Variants in L3MBTL4 observed in about 807,000 individuals in gnomAD.
L3MBTL4 encodes lethal(3)malignant brain tumor-like protein 4.
Under a neutral mutation model 84.5 loss-of-function variants are expected in L3MBTL4, and 70 were observed. That is an observed-to-expected ratio of 0.83 (90% CI 0.68 to 1.01). The LOEUF is 1.01. L3MBTL4 is among the 50% of genes least tolerant of loss of function. The pLI is 0.00. For missense variants in L3MBTL4, 715 were observed against 754.8 expected, an observed-to-expected ratio of 0.95 and a Z score of 0.62; for synonymous variants, 274 against 259.8, an observed-to-expected ratio of 1.05 and a Z score of -0.52.
chr18:6,122,272 A>G (rs945491263), intron 14 of L3MBTL4, among the ~76,000 whole-genome samples: 2 of 152,162 alleles, frequency 1.3e-5, no homozygotes, highest in African/African-American at 4.8e-5. Context: ...CAACATTCAA[A>G]CTTTGAATCA....
intron 16 of L3MBTL4, among the ~76,000 whole-genome samples, chr18:6,006,288 G>GT (rs1424820049): frequency 6.6e-6 from 1 of 152,160 alleles, no homozygotes; most frequent in Non-Finnish European, 1.5e-5. Flanking sequence ...AAGAACATGA[G>GT]TTCCGACAAT....
At chr18:6,116,309 A>AT (rs2059357356) in intron 14 of L3MBTL4, among the ~76,000 whole-genome samples, 1 of 150,590 alleles carries the variant, frequency 6.6e-6, no homozygotes, top group South Asian at 2.1e-4. Context: ...AGGACAGGCC[A>AT]TCCCTCTGTC....
At chr18:6,301,678 A>C (rs1453662990) in intron 4 of L3MBTL4, among the ~76,000 whole-genome samples, 4 of 152,268 alleles carry the variant, frequency 2.6e-5, no homozygotes, top group Non-Finnish European at 4.4e-5. Context: ...TTAAAAGGCA[A>C]ATAAATGAGA....
intron 16 of L3MBTL4, among the ~76,000 whole-genome samples, chr18:6,016,220 G>A (rs890040927): frequency 1.4e-4 from 21 of 152,180 alleles, no homozygotes; most frequent in African/African-American, 4.6e-4. Context: ...TTCCGGGGGA[G>A]CAGCAGGGGC....
intron 1 of L3MBTL4, among the ~76,000 whole-genome samples, chr18:6,337,552 C>A (rs1032775586): frequency 6.6e-6 from 1 of 151,884 alleles, no homozygotes; most frequent in African/African-American, 2.4e-5. Flanking sequence ...ACAGGCAAAA[C>A]TAACCTAAAG....
chr18:6,255,155 C>A (rs1211228649), intron 5 of L3MBTL4, among the ~76,000 whole-genome samples: 1 of 152,204 alleles, frequency 6.6e-6, no homozygotes, highest in Non-Finnish European at 1.5e-5. Context: ...ACTTCTAATA[C>A]ATATTTCCTT....
intron 1 of L3MBTL4, among the ~76,000 whole-genome samples, chr18:6,338,124 A>T (rs558899468): frequency 6.6e-6 from 1 of 152,222 alleles, no homozygotes; most frequent in Admixed American, 6.5e-5. Flanking sequence ...AAAAACTTTA[A>T]CAATCCACTG....
intron 16 of L3MBTL4, chr18:6,046,853 C>T (rs2056644684): frequency 4.4e-6 from 3 of 681,434 alleles, no homozygotes; most frequent in Non-Finnish European, 8.0e-6. Context: ...ACTAGAAAAA[C>T]AAGTATAAAC....
At chr18:6,247,169 TAAG>T in intron 5 of L3MBTL4, among the ~76,000 whole-genome samples, 1 of 152,332 alleles carries the variant, frequency 6.6e-6, no homozygotes, top group East Asian at 1.9e-4. Flanking sequence ...GTATTTTCCC[TAAG>T]AATAGAACAT....
chr18:6,052,182 C>T (rs2056865388), intron 16 of L3MBTL4, among the ~76,000 whole-genome samples: 1 of 152,176 alleles, frequency 6.6e-6, no homozygotes, highest in East Asian at 1.9e-4. Flanking sequence ...AAGTCGACTT[C>T]ATAAGCATTT....
At chr18:6,193,130 G>A (rs2045203205) in intron 12 of L3MBTL4, among the ~76,000 whole-genome samples, 1 of 151,936 alleles carries the variant, frequency 6.6e-6, no homozygotes, top group Non-Finnish European at 1.5e-5. Context: ...CACAACAGGG[G>A]TCAGTGGCTG....
At chr18:5,956,734 A>G (rs1334865859) in intron 18 of L3MBTL4, among the ~76,000 whole-genome samples, 1 of 152,172 alleles carries the variant, frequency 6.6e-6, no homozygotes, top group Non-Finnish European at 1.5e-5. Flanking sequence ...ATCTCCAGGA[A>G]TTTTTCCCAA....
At chr18:6,225,881 C>T (rs931638616) in intron 10 of L3MBTL4, among the ~76,000 whole-genome samples, 1 of 151,246 alleles carries the variant, frequency 6.6e-6, no homozygotes, top group Non-Finnish European at 1.5e-5. Context: ...ATATACCCAG[C>T]AAAAATGTCT....
At chr18:6,194,688 C>G (rs1356228907) in intron 12 of L3MBTL4, among the ~76,000 whole-genome samples, 1 of 152,172 alleles carries the variant, frequency 6.6e-6, no homozygotes, top group Admixed American at 6.5e-5. Flanking sequence ...GCCAAAGGAT[C>G]AGAAGAGAAG....
intron 16 of L3MBTL4, among the ~76,000 whole-genome samples, chr18:6,076,116 T>A (rs1031810063): frequency 1.3e-5 from 2 of 152,160 alleles, no homozygotes; most frequent in Non-Finnish European, 2.9e-5. Flanking sequence ...GCAAACCCAA[T>A]TGCCCAGAAA....
chr18:6,358,696 C>T (rs1189096531), intron 1 of L3MBTL4, among the ~76,000 whole-genome samples: 2 of 152,208 alleles, frequency 1.3e-5, no homozygotes, highest in African/African-American at 4.8e-5. Flanking sequence ...AAGTCTGTGT[C>T]ATCTAAGTTT....
chr18:6,204,507 G>GA (rs1463491156), intron 12 of L3MBTL4, among the ~76,000 whole-genome samples: 5 of 151,780 alleles, frequency 3.3e-5, no homozygotes, highest in Admixed American at 1.3e-4. Flanking sequence ...AGTTTTAAAA[G>GA]AAAAAAACAT....
chr18:6,302,034 G>T, intron 3 of L3MBTL4, 77 bp from the exon 4 acceptor site: 3 of 1,194,886 alleles, frequency 2.5e-6, no homozygotes, highest in Non-Finnish European at 3.8e-6. Flanking sequence ...GTTCCTTTTT[G>T]CAGGAAGGAA....
At position 6,220,587 on chromosome 18, in the gene L3MBTL4, T is replaced by C. The variant is rs529387352; in HGVS notation, c.785-4752A>G. ...GCCTTATTCTTCTCCACAGCACTTATTGACACCTAACACAGTGTGTGTTGT... is the reference window on the plus strand; with the variant it reads ...GCCTTATTCTTCTCCACAGCACTTACTGACACCTAACACAGTGTGTGTTGT... On this transcript the variant is annotated intron_variant, in intron 10 of 18. Coordinates refer to ENST00000317931, the MANE Select transcript of L3MBTL4 (RefSeq NM_001330559.2). Among the ~76,000 whole-genome samples the C allele has an allele frequency of 1.1e-4, 16 of 152,318 alleles. No homozygotes were observed. The South Asian group carries it at 1.5e-3, about 14-fold the overall frequency.
Sources: allele counts gnomAD v4.1 joint callset (sites outside exome capture counted in the v4.1 genomes callset), GRCh38; gene constraint gnomAD v4.1.1; transcripts MANE v1.5; gene names NCBI Gene and HGNC (gene_info 2026-07-23, HGNC 2026-07-21).